The following DRAXIN variants were observed in gnomAD, a reference collection of about 807,000 sequenced individuals.
DRAXIN encodes dorsal inhibitory axon guidance protein, also known as dorsal repulsive axon guidance protein.
Under a neutral mutation model 33.9 loss-of-function variants are expected in DRAXIN, and 27 were observed. The ratio of observed to expected loss-of-function variants is 0.80; its 90% CI spans 0.59 to 1.10. DRAXIN has a LOEUF of 1.10. Among genes scored for constraint, DRAXIN ranks in the 50% least tolerant of loss-of-function variants. DRAXIN has a pLI of 0.00. For synonymous variants in DRAXIN, 178 were observed against 194.0 expected (o/e 0.92, Z 0.69); for missense variants, 371 against 460.8 (o/e 0.81, Z 1.78).
At chr1:11,712,490 G>A in intron 5 of DRAXIN, 61 bp downstream of exon 5, 1 of 1,570,764 alleles carries the variant, frequency 6.4e-7, no homozygotes, top group South Asian at 1.1e-5. Context: ...ACCTGGGTGG[G>A]AGTGGGGGTT....
chr1:11,705,047 G>A lies in DRAXIN; in HGVS notation c.-10-1202G>A, dbSNP rs1316564106. Among the ~76,000 whole-genome samples the A allele has an allele frequency of 6.6e-6, 1 of 152,222 alleles. No homozygotes were observed. The highest frequency in any genetic ancestry group is 6.5e-5 in the Admixed American group (1 of 15,284). On this transcript the variant is annotated intron_variant, in intron 1 of 6. Transcript: ENST00000294485. The surrounding 1 kb of genome is among the most constrained non-coding windows in gnomAD (Gnocchi z 4.8). ...GACACTGGGGTGGGCCAGCCAGCAT[G>A]GGGGCCGCAGGGAGAGGCGCCGGGA...
chr1:11,710,642 C>T (rs183211711), intron 3 of DRAXIN, among the ~76,000 whole-genome samples: 14 of 151,792 alleles, frequency 9.2e-5, no homozygotes, highest in East Asian at 7.7e-4. Flanking sequence ...AGGCCGGGCG[C>T]GGTGGCTCAT....
Position 11,694,372 on chromosome 1 carries a change from G to C in DRAXIN, c.-11+2519G>C, listed in dbSNP as rs181137358. 2.6e-5 allele frequency among the ~76,000 whole-genome samples: 4 copies of C among 152,174 alleles called. No homozygotes were observed. The highest frequency in any genetic ancestry group is 3.9e-4 in the East Asian group (2 of 5,160). ...GGCCCTCTGGCTGGGGAGGTTGGAG[G>C]GGGAGCAAGCTGCCCGGAAACCCCT... On this transcript the variant is annotated intron_variant, in intron 1 of 6. Coordinates refer to ENST00000294485, the MANE Select transcript of DRAXIN (RefSeq NM_198545.4). The surrounding 1 kb of genome is among the most constrained non-coding windows in gnomAD (Gnocchi z 4.9).
chr1:11,695,103 C>T (rs1038437087), intron 1 of DRAXIN, among the ~76,000 whole-genome samples: 3 of 151,756 alleles, frequency 2.0e-5, no homozygotes, highest in Non-Finnish European at 4.4e-5. Context: ...TGGATGGCAG[C>T]ATGAGGAGCA....
At chr1:11,718,405 C>T (rs933133459) in intron 6 of DRAXIN, among the ~76,000 whole-genome samples, 1 of 151,010 alleles carries the variant, frequency 6.6e-6, no homozygotes, top group Non-Finnish European at 1.5e-5. Context: ...AATTTAATAA[C>T]CTTTTTCCTT....
At chr1:11,719,033 G>A (rs373568495) in intron 6 of DRAXIN, among the ~76,000 whole-genome samples, 1 of 151,930 alleles carries the variant, frequency 6.6e-6, no homozygotes, top group Non-Finnish European at 1.5e-5. Context: ...CCCAAGTAAC[G>A]GGGATTACAG....
At position 11,706,313 on chromosome 1, in the gene DRAXIN, C is replaced by T; in HGVS notation, c.55C>T (p.Pro19Ser). 1.2e-6 allele frequency: 2 copies of T among 1,613,314 alleles called. No individual in the cohort carries two copies. Among genetic ancestry groups the T allele is most frequent in the Non-Finnish European group, 1.7e-6 (2 of 1,179,814 alleles). Reference protein sequence around the residue: ...APMLFLVLLLPLELSLAGALA... With the variant: ...APMLFLVLLLSLELSLAGALA... Reference sequence around the variant, plus strand: ...CATGCTGTTCCTCGTCCTCCTGCTGCCCCTGGAGCTGAGCCTGGCAGGCGC... The same window carrying T: ...CATGCTGTTCCTCGTCCTCCTGCTGTCCCTGGAGCTGAGCCTGGCAGGCGC... The change falls in exon 2 of 7, where the codon CCC (proline) becomes TCC (serine). Residue 19 changes from proline (P) to serine (S), a missense_variant. By Grantham distance (74) the Pro-to-Ser change is moderately conservative. Coordinates refer to ENST00000294485, the MANE Select transcript of DRAXIN (RefSeq NM_198545.4). This position sits in a 1 kb window ranked among gnomAD's most constrained non-coding sequence, Gnocchi z 5.5.
In DRAXIN at chr1:11,709,373, C is replaced by T. The variant is rs758607919; in HGVS notation, c.550C>T (p.Leu184=). 1 of 1,614,084 alleles carries T rather than the reference C, an allele frequency of 6.2e-7. No individual in the cohort carries two copies. Among genetic ancestry groups the T allele is most frequent in the African/African-American group, 1.3e-5 (1 of 75,058 alleles). ...AGCCATGGAGGAATCCTCCACCAGCCTGGCGCCCACCATGTTCTTTCTCAC... is the reference window on the plus strand; with the variant it reads ...AGCCATGGAGGAATCCTCCACCAGCTTGGCGCCCACCATGTTCTTTCTCAC... ...DAAMEESSTS[L]APTMFFLTTF... The change falls in exon 3 of 7, where the codon CTG becomes TTG. Residue 184 remains leucine, a synonymous_variant. Coordinates refer to ENST00000294485, the MANE Select transcript of DRAXIN (RefSeq NM_198545.4).
chr1:11,701,728 C>T (rs372756209), intron 1 of DRAXIN, among the ~76,000 whole-genome samples: 5 of 152,148 alleles, frequency 3.3e-5, no homozygotes, highest in Non-Finnish European at 7.4e-5. Context: ...CAGAACCGCC[C>T]CGGGCTGCGG....
intron 4 of DRAXIN, 124 bp downstream of exon 4, chr1:11,712,089 G>C: frequency 1.0e-6 from 1 of 1,002,788 alleles, no homozygotes; most frequent in Non-Finnish European, 1.5e-6. Flanking sequence ...GATGTGGGGA[G>C]AGGGGGAGCA....
Position 11,706,367 on chromosome 1 carries a change from C to G in DRAXIN, c.109C>G (p.Leu37Val). ...TGCACCTGGGACCCCTGCCCGGAACCTCCCTGAGAATCACATTGACCTCCC... is the reference window on the plus strand; with the variant it reads ...TGCACCTGGGACCCCTGCCCGGAACGTCCCTGAGAATCACATTGACCTCCC... ...ALAPGTPARN[L>V]PENHIDLPGP... Residue 37 changes from leucine to valine, a missense_variant, in exon 2 of 7, where the codon CTC becomes GTC. Physicochemically the swap from Leu to Val is conservative, Grantham distance 32. Transcript: ENST00000294485. This position sits in a 1 kb window ranked among gnomAD's most constrained non-coding sequence, Gnocchi z 5.5. 1 of 1,613,744 alleles carries G rather than the reference C, an allele frequency of 6.2e-7. No individual in the cohort carries two copies. The highest frequency in any genetic ancestry group is 8.5e-7 in the Non-Finnish European group (1 of 1,179,972).
intron 5 of DRAXIN, 62 bp from the exon 6 acceptor site, chr1:11,715,057 T>G (rs1641554464): frequency 6.3e-7 from 1 of 1,583,334 alleles, no homozygotes; most frequent in South Asian, 1.1e-5. Flanking sequence ...TGGGACCGAG[T>G]GCAGGGCTGC....
At chr1:11,689,257 T>C (rs904403560), upstream of DRAXIN, among the ~76,000 whole-genome samples, 5 of 122,846 alleles carry the variant, frequency 4.1e-5, no homozygotes, top group African/African-American at 1.6e-4. Flanking sequence ...ACTGTGCCAC[T>C]ATACAAGCCT....
chr1:11,712,405 G>C lies in DRAXIN; in HGVS notation c.823G>C (p.Asp275His). 1 of 1,614,014 alleles carries C rather than the reference G, an allele frequency of 6.2e-7. No homozygotes were observed. The highest frequency in any genetic ancestry group is 8.5e-7 in the Non-Finnish European group (1 of 1,179,982). Residue 275 changes from aspartate (D) to histidine (H), a missense_variant, in exon 5 of 7, where the codon GAC (aspartate) becomes CAC (histidine). Asp to His is a moderately conservative substitution (Grantham distance 81, BLOSUM62 -1). Coordinates refer to ENST00000294485, the MANE Select transcript of DRAXIN (RefSeq NM_198545.4). ...ATCACCAGCCGAAGGGGAACCATGC[G>C]ACCATCACCAAGACTGCCTGCCAGG... ...ETSPAEGEPC[D>H]HHQDCLPGTC...
rs1395709081 is a variant in DRAXIN, at chr1:11,722,178, C to T, written c.*2482C>T. The stretch of plus-strand genomic sequence containing the variant: ...TCTGCCAGCAGCTTCGTACTTGAGA[C>T]CAGACAACCCACACATGCTGTGTGT... On this transcript the variant is annotated 3_prime_UTR_variant, in exon 7 of 7. Transcript: ENST00000294485. 1 of 152,238 alleles carries T rather than the reference C, an allele frequency of 6.6e-6. No homozygotes were observed. The highest frequency in any genetic ancestry group is 1.5e-5 in the Non-Finnish European group (1 of 68,074). 9.4% of individuals were successfully genotyped at this position (152,238 alleles called of 1,614,324 possible). A position where few individuals can be genotyped will look rare whatever the true frequency, so the allele number is the denominator to read the frequency against.
In DRAXIN at chr1:11,704,110, C is replaced by T. The variant is rs1352915332; in HGVS notation, c.-10-2139C>T. On this transcript the variant is annotated intron_variant, in intron 1 of 6. Transcript: ENST00000294485. This position sits in a 1 kb window ranked among gnomAD's most constrained non-coding sequence, Gnocchi z 4.6. The stretch of plus-strand genomic sequence containing the variant: ...CTACTGAGCCTCCTCTGCTCTCTTG[C>T]CCGCACTGTCTGGGTTTTCTTCCTC... 1.3e-5 allele frequency among the ~76,000 whole-genome samples: 2 copies of T among 152,196 alleles called. No homozygotes were observed. Among genetic ancestry groups the T allele is most frequent in the African/African-American group, 4.8e-5 (2 of 41,440 alleles).
At chr1:11,703,632 C>T (rs1309315275) in intron 1 of DRAXIN, among the ~76,000 whole-genome samples, 2 of 152,192 alleles carry the variant, frequency 1.3e-5, no homozygotes, top group African/African-American at 4.8e-5. Context: ...GTAGCCATAC[C>T]ACCAGTATAT....
In DRAXIN at chr1:11,706,337, G is replaced by A. The variant is rs572088364; in HGVS notation, c.79G>A (p.Ala27Thr). 1.7e-5 allele frequency: 27 copies of A among 1,613,838 alleles called. No homozygotes were observed. In the African/African-American group the frequency reaches 2.1e-4, roughly 13 times the overall value. The change falls in exon 2 of 7, where the codon GCC (alanine) becomes ACC (threonine). Residue 27 changes from alanine to threonine, a missense_variant. Coordinates refer to ENST00000294485, the MANE Select transcript of DRAXIN (RefSeq NM_198545.4). This position sits in a 1 kb window ranked among gnomAD's most constrained non-coding sequence, Gnocchi z 5.5. ...GCCCCTGGAGCTGAGCCTGGCAGGC[G>A]CCCTTGCACCTGGGACCCCTGCCCG... ...LLPLELSLAG[A>T]LAPGTPARNL... is the part of the protein sequence containing the mutation.
intron 1 of DRAXIN, among the ~76,000 whole-genome samples, chr1:11,695,664 G>A (rs1001032081): frequency 6.6e-5 from 10 of 151,624 alleles, no homozygotes; most frequent in Non-Finnish European, 1.5e-4. Flanking sequence ...TGCCTATAAA[G>A]CTCTGGGCCT....
Sources: gnomAD v4.1 joint callset for allele counts (sites outside exome capture counted in the v4.1 genomes callset) on GRCh38, gnomAD v4.1.1 for gene constraint, Gnocchi (gnomAD v3.1) non-coding constraint, MANE v1.5 for transcripts, NCBI Gene and HGNC (gene_info 2026-07-23, HGNC 2026-07-21) for gene names.